Variants in NKIRAS1 observed in about 807,000 individuals in gnomAD.
NKIRAS1 encodes the protein NFKB inhibitor interacting Ras like 1.
NKIRAS1 carries 16 observed loss-of-function variants against 19.8 expected under a neutral mutation model. The ratio of observed to expected loss-of-function variants is 0.81; its 90% CI spans 0.55 to 1.23. NKIRAS1 has a LOEUF of 1.23. Ranked by LOEUF, NKIRAS1 falls within the 50% of genes most tolerant of loss-of-function variation. NKIRAS1 has a pLI of 0.00. For synonymous variants in NKIRAS1, 88 were observed against 79.0 expected (o/e 1.11, Z -0.61); for missense variants, 184 against 220.0 (o/e 0.84, Z 1.04).
rs1701549385 is a variant in NKIRAS1, at chr3:23,892,597, C to G, written c.*498G>C. On this transcript the variant is annotated 3_prime_UTR_variant, in exon 5 of 5. Coordinates refer to ENST00000425478, the MANE Select transcript of NKIRAS1 (RefSeq NM_020345.4). ...AAAATCTCCACAAGATGAAATTTAG[C>G]TTACTACCCCAAACTGTTCAATGTT... The G allele has an allele frequency of 6.6e-6, 1 of 152,210 alleles. No individual in the cohort carries two copies. The highest frequency in any genetic ancestry group is 1.5e-5 in the Non-Finnish European group (1 of 68,064). 9.4% of individuals were successfully genotyped at this position (152,210 alleles called of 1,614,324 possible). A position where few individuals can be genotyped will look rare whatever the true frequency, so the allele number is the denominator to read the frequency against.
At chr3:23,918,300 G>C, upstream of NKIRAS1, 2 of 1,049,618 alleles carry the variant, frequency 1.9e-6, no homozygotes, top group Non-Finnish European at 2.7e-6. Context: ...AAAAAGACTG[G>C]GATGTGTTTT....
At chr3:23,939,949 A>G (rs1161705627) in intron 1 of NKIRAS1, among the ~76,000 whole-genome samples, 1 of 152,216 alleles carries the variant, frequency 6.6e-6, no homozygotes, top group East Asian at 1.9e-4. Flanking sequence ...TTTGGTTGCC[A>G]CATGTGGCTA....
At chr3:23,946,016 C>T (rs1267691642) in intron 1 of NKIRAS1, 14 of 753,480 alleles carry the variant, frequency 1.9e-5, no homozygotes, top group Non-Finnish European at 2.3e-5. Flanking sequence ...GCCGCAGGGA[C>T]ACGTGGGGGC....
chr3:23,918,364 A>G, upstream of NKIRAS1: 12 of 1,499,762 alleles, frequency 8.0e-6, no homozygotes, highest in Non-Finnish European at 1.1e-5. Context: ...TTGGTGGAGT[A>G]TTAGTGACAA....
rs1333922471 is a variant in NKIRAS1, at chr3:23,945,749, CGCCCCCCGG to C, written c.-140+565_-140+573del. On this transcript the variant is annotated intron_variant, in intron 1 of 4. Coordinates refer to the NKIRAS1 transcript ENST00000421515. ...TGTCCGCCTCTGGCTCGGTTCCCAT[CGCCCCCCGG>C]GCCGCCCGGCGCCCGCCCTCTTGTC... Among the ~76,000 whole-genome samples the C allele has an allele frequency of 3.3e-5, 5 of 150,416 alleles. No homozygotes were observed. The East Asian group carries it at 9.8e-4, about 30-fold the overall frequency.
chr3:23,924,036 C>G (rs1705164309), intron 1 of NKIRAS1: 1 of 152,200 alleles, frequency 6.6e-6, no homozygotes, highest in Non-Finnish European at 1.5e-5. Flanking sequence ...CCAAGAAAAA[C>G]AACAGTTGGT....
At chr3:23,905,475 A>G (rs927199270) in intron 3 of NKIRAS1, among the ~76,000 whole-genome samples, 1 of 152,228 alleles carries the variant, frequency 6.6e-6, no homozygotes, top group African/African-American at 2.4e-5. Context: ...CAAAATTACA[A>G]TTCAAATGTT....
chr3:23,938,974 C>A (rs1705445319), intron 1 of NKIRAS1, among the ~76,000 whole-genome samples: 1 of 152,204 alleles, frequency 6.6e-6, no homozygotes, highest in Non-Finnish European at 1.5e-5. Flanking sequence ...AGCTCCAACC[C>A]CCTGCTGTTT....
chr3:23,905,614 G>A (rs1163892088), intron 3 of NKIRAS1, among the ~76,000 whole-genome samples: 1 of 152,010 alleles, frequency 6.6e-6, no homozygotes, highest in Non-Finnish European at 1.5e-5. Flanking sequence ...GGAAGAAACA[G>A]AACCTAACAC....
At chr3:23,910,765 G>T in intron 3 of NKIRAS1, 46 bp downstream of exon 3, 1 of 1,433,444 alleles carries the variant, frequency 7.0e-7, no homozygotes, top group Non-Finnish European at 9.8e-7. Context: ...AAAGACCCCT[G>T]ATAGCTCCCA....
intron 3 of NKIRAS1, among the ~76,000 whole-genome samples, chr3:23,909,854 G>GTTTTT (rs899380466): frequency 7.5e-6 from 1 of 133,428 alleles, no homozygotes; most frequent in Non-Finnish European, 1.6e-5. Context: ...AGTTGTTTTT[G>GTTTTT]TTTTTTTTTG....
chr3:23,922,805 T>C lies in NKIRAS1; in HGVS notation c.-139-11355A>G, dbSNP rs1474779390. On this transcript the variant is annotated intron_variant, in intron 1 of 4. Transcript: ENST00000421515. This position sits in a 1 kb window ranked among gnomAD's most constrained non-coding sequence, Gnocchi z 4.2. ...CTCCCTGGAGGCAAGGTGATCAGTT[T>C]AACAATATTTTTTTATTTTGAGACA... The C allele has an allele frequency of 6.6e-6, 1 of 152,202 alleles. No individual in the cohort carries two copies. The highest frequency in any genetic ancestry group is 2.4e-5 in the African/African-American group (1 of 41,418). The allele number at this position is 152,202 out of a possible 1,614,324, so 9.4% of individuals were successfully genotyped here. A position where few individuals can be genotyped will look rare whatever the true frequency, so the allele number is the denominator to read the frequency against.
chr3:23,911,712 A>G (rs1315188872), intron 1 of NKIRAS1, among the ~76,000 whole-genome samples: 1 of 151,648 alleles, frequency 6.6e-6, no homozygotes, highest in Non-Finnish European at 1.5e-5. Context: ...ATGAAAGTTT[A>G]TGTCAGTCTT....
intron 1 of NKIRAS1, among the ~76,000 whole-genome samples, chr3:23,928,476 AAAAT>A (rs1362248384): frequency 6.6e-6 from 1 of 151,988 alleles, no homozygotes; most frequent in African/African-American, 2.4e-5. Flanking sequence ...CTTGTACAGA[AAAAT>A]AAAGATCCTG....
chr3:23,940,325 C>A (rs182624727), intron 1 of NKIRAS1, among the ~76,000 whole-genome samples: 5 of 148,936 alleles, frequency 3.4e-5, no homozygotes, highest in African/African-American at 1.2e-4. Context: ...GCAGCTGGGG[C>A]GACAAAGCCA....
At chr3:23,934,399 CATA>C (rs1705361151) in intron 1 of NKIRAS1, among the ~76,000 whole-genome samples, 1 of 152,186 alleles carries the variant, frequency 6.6e-6, no homozygotes, top group African/African-American at 2.4e-5. Context: ...GCGATGCTGT[CATA>C]ATGATATGTC....
chr3:23,923,949 T>A (rs1705161883), intron 1 of NKIRAS1: 1 of 152,192 alleles, frequency 6.6e-6, no homozygotes, highest in South Asian at 2.1e-4. Flanking sequence ...TAGCTTTTTC[T>A]CCCCCTGAAA....
At chr3:23,918,180 G>A (rs1704783083), upstream of NKIRAS1, 5 of 1,061,072 alleles carry the variant, frequency 4.7e-6, no homozygotes, top group Non-Finnish European at 6.7e-6. Context: ...GTTACTGTAT[G>A]CACTGTTGTC....
chr3:23,941,394 G>A (rs1705494550), intron 1 of NKIRAS1, among the ~76,000 whole-genome samples: 1 of 152,216 alleles, frequency 6.6e-6, no homozygotes, highest in Admixed American at 6.5e-5. Flanking sequence ...TCTGTTAATT[G>A]TATGTAAGGG....
Sources: allele counts gnomAD v4.1 joint callset (sites outside exome capture counted in the v4.1 genomes callset), GRCh38; gene constraint gnomAD v4.1.1; non-coding constraint Gnocchi (gnomAD v3.1); transcripts MANE v1.5; gene names NCBI Gene and HGNC (gene_info 2026-07-23, HGNC 2026-07-21).